CHD1: variants seen among roughly 807,000 people sequenced by gnomAD.
CHD1 encodes the protein ATP-dependent chromatin remodeler CHD1.
In CHD1, 36 loss-of-function variants were observed where a neutral mutation model predicts 224.2. The ratio of observed to expected loss-of-function variants is 0.16; its 90% CI spans 0.12 to 0.21. CHD1 has a LOEUF of 0.21. CHD1 is among the 10% of genes least tolerant of loss of function. The pLI, the probability that CHD1 is intolerant of heterozygous loss-of-function variation, is 1.00. For missense variants in CHD1, 1,378 were observed against 1,994.8 expected (o/e 0.69, Z 5.89); for synonymous variants, 668 against 658.3 (o/e 1.01, Z -0.23).
At chr5:98,877,987 A>T (rs920211111) in intron 23 of CHD1, among the ~76,000 whole-genome samples, 2 of 152,218 alleles carry the variant, frequency 1.3e-5, no homozygotes, top group Non-Finnish European at 2.9e-5. Flanking sequence ...AGGAGATTAC[A>T]AAAAGAGAAA....
intron 28 of CHD1, among the ~76,000 whole-genome samples, chr5:98,871,844 CAT>C (rs1749378000): frequency 6.6e-6 from 1 of 152,070 alleles, no homozygotes; most frequent in African/African-American, 2.4e-5. Flanking sequence ...GCCTTAATAA[CAT>C]ATAATTTCAC....
intron 1 of CHD1, among the ~76,000 whole-genome samples, chr5:98,927,372 G>A (rs1197056684): frequency 6.6e-6 from 1 of 152,094 alleles, no homozygotes; most frequent in Non-Finnish European, 1.5e-5. Flanking sequence ...GGAGACGTCA[G>A]ATCCTTCCCC....
chr5:98,887,885 G>A (rs1173587152), intron 17 of CHD1, among the ~76,000 whole-genome samples: 1 of 152,016 alleles, frequency 6.6e-6, no homozygotes, highest in East Asian at 1.9e-4. Flanking sequence ...CACAGGAAAG[G>A]AAGAAAAATT....
At chr5:98,869,958 G>A (rs1320243904) in intron 29 of CHD1, 76 bp from the exon 30 acceptor site, 6 of 1,098,144 alleles carry the variant, frequency 5.5e-6, no homozygotes, top group Admixed American at 4.6e-5. Context: ...TAAATCCAAG[G>A]GCTAGAACAC....
intron 2 of CHD1, among the ~76,000 whole-genome samples, 179 bp from the exon 3 acceptor site, chr5:98,905,277 T>G (rs907165201): frequency 1.1e-4 from 17 of 152,184 alleles, no homozygotes; most frequent in Non-Finnish European, 1.2e-4. Flanking sequence ...CCATAGTTGA[T>G]AATTTATTTA....
At chr5:98,858,421 C>A (rs747473294) in intron 34 of CHD1, 31 bp from the exon 35 acceptor site, 1 of 1,554,266 alleles carries the variant, frequency 6.4e-7, no homozygotes, top group South Asian at 1.1e-5. Flanking sequence ...TTATTAATGA[C>A]CTTAAAAATA....
intron 3 of CHD1, among the ~76,000 whole-genome samples, chr5:98,904,491 G>A (rs968933360): frequency 1.3e-5 from 2 of 152,114 alleles, no homozygotes; most frequent in African/African-American, 4.8e-5. Flanking sequence ...AGGAATCTGA[G>A]TTCCATTAAA....
intron 31 of CHD1, among the ~76,000 whole-genome samples, chr5:98,864,164 A>G (rs1474645400): frequency 6.6e-6 from 1 of 152,182 alleles, no homozygotes; most frequent in African/African-American, 2.4e-5. Context: ...AGGATGACAT[A>G]TTAAGAATTG....
chr5:98,896,160 A>G (rs1751333269), intron 12 of CHD1, 66 bp downstream of exon 12: 3 of 1,404,956 alleles, frequency 2.1e-6, no homozygotes, highest in Admixed American at 3.4e-5. Context: ...ATCTCAAAAC[A>G]ACAAAAACAC....
chr5:98,926,618 G>A, intron 1 of CHD1, 84 bp from the exon 2 acceptor site: 2 of 298,098 alleles, frequency 6.7e-6, no homozygotes, highest in East Asian at 6.0e-5. Context: ...ATAAATCTAC[G>A]TAGGCCAATT....
rs146856825 is a variant in CHD1, at chr5:98,857,117, A to G, written c.4788-392T>C. On this transcript the variant is annotated intron_variant, in intron 35 of 35. Coordinates refer to ENST00000614616, the MANE Select transcript of CHD1 (RefSeq NM_001270.4). The stretch of plus-strand genomic sequence containing the variant: ...CCTTTTACCAACCTCTAAGCAGGAA[A>G]AAGTTTAAAAATGCTAGAATGCAGT... Among the ~76,000 whole-genome samples the G allele has an allele frequency of 6.6e-5, 10 of 152,248 alleles. No homozygotes were observed. In the East Asian group the frequency reaches 1.7e-3, roughly 26 times the overall value.
chr5:98,867,532 A>C (rs1269746515), intron 31 of CHD1, among the ~76,000 whole-genome samples: 1 of 152,020 alleles, frequency 6.6e-6, no homozygotes, highest in Non-Finnish European at 1.5e-5. Context: ...CTAGTCCTTC[A>C]CCATAAATAA....
Position 98,870,692 on chromosome 5 carries a change from C to A in CHD1, c.3973G>T (p.Gly1325Cys). 1 of 1,587,104 alleles carries A rather than the reference C, an allele frequency of 6.3e-7. No homozygotes were observed. The highest frequency in any genetic ancestry group is 1.1e-5 in the South Asian group (1 of 87,052). ...RDLAKKEALSGAGSSKRRKAR... is the reference protein window; with the variant it reads ...RDLAKKEALSCAGSSKRRKAR... ...GCATGTGGGCTTTAACTTACCGCAC[C>A]AGAAAGAGCTTCTTTTTTTGCAAGA... Residue 1325 changes from glycine to cysteine, a missense_variant, in exon 29 of 36, where the codon GGT becomes TGT. Physicochemically the swap from Gly to Cys is radical, Grantham distance 159 (BLOSUM62 -3). Coordinates refer to ENST00000614616, the MANE Select transcript of CHD1 (RefSeq NM_001270.4).
chr5:98,881,216 T>A lies in CHD1; in HGVS notation c.2965-45A>T, dbSNP rs745653430. Reference sequence around the variant, plus strand: ...ATTTAAATATACTTGAATCCTTTCATCCTGTCAAATATATGACACATATTC... The same window carrying A: ...ATTTAAATATACTTGAATCCTTTCAACCTGTCAAATATATGACACATATTC... On this transcript the variant is annotated intron_variant, in intron 21 of 35. Transcript: ENST00000614616. 2.9e-6 allele frequency: 4 copies of A among 1,397,362 alleles called. No homozygotes were observed. The South Asian group carries it at 3.8e-5, about 13-fold the overall frequency. 86.6% of individuals were successfully genotyped at this position (1,397,362 alleles called of 1,614,324 possible). A position where few individuals can be genotyped will look rare whatever the true frequency, so the allele number is the denominator to read the frequency against.
chr5:98,914,262 TAAG>T lies in CHD1; in HGVS notation c.54-9167_54-9165del, dbSNP rs537972445. On this transcript the variant is annotated intron_variant, in intron 2 of 35. Transcript: ENST00000614616. ...ACCACTAGTATTGGAAGCCATACAT[TAAG>T]AAGAGTAAGGCTGTCCAAAGGTTTG... is the stretch of plus-strand genomic sequence containing the variant. Among the ~76,000 whole-genome samples the T allele has an allele frequency of 7.9e-5, 12 of 152,282 alleles. No individual in the cohort carries two copies. In the South Asian group the frequency reaches 2.5e-3, roughly 32 times the overall value.
Position 98,902,941 on chromosome 5 carries a change from G to A in CHD1, c.396C>T (p.Ser132=), listed in dbSNP as rs371891649. The A allele has an allele frequency of 4.9e-4, 793 of 1,604,174 alleles. 1 individual carries two copies. Among genetic ancestry groups the A allele is most frequent in the Non-Finnish European group, 6.1e-4 (721 of 1,173,244 alleles). Residue 132 remains serine (S), a synonymous_variant, in exon 5 of 36, where the codon TCC becomes TCT. Transcript: ENST00000614616. ...SEEDSSSSED[S]DDSSSEVKRK... is the part of the protein sequence containing the mutation. ...TTTTGACCTCACTTGATGAGTCATC[G>A]GAATCTTCACTGCTAGAGGAATCCT...
intron 2 of CHD1, among the ~76,000 whole-genome samples, chr5:98,906,967 T>G (rs950780387): frequency 6.6e-6 from 1 of 152,306 alleles, no homozygotes; most frequent in Admixed American, 6.5e-5. Context: ...CTCACACAGA[T>G]GGGTGCTCAA....
intron 5 of CHD1, among the ~76,000 whole-genome samples, chr5:98,902,179 G>A (rs907548759): frequency 3.3e-5 from 5 of 151,790 alleles, no homozygotes; most frequent in African/African-American, 1.2e-4. Flanking sequence ...TCTATTAATA[G>A]GAGGACCAGA....
At chr5:98,868,188 T>C (rs1749044042) in intron 31 of CHD1, among the ~76,000 whole-genome samples, 1 of 151,402 alleles carries the variant, frequency 6.6e-6, no homozygotes, top group African/African-American at 2.4e-5. Context: ...ATTAGCTGGG[T>C]ATATGGCACA....
Sources: gnomAD v4.1 joint callset for allele counts (sites outside exome capture counted in the v4.1 genomes callset) on GRCh38, gnomAD v4.1.1 for gene constraint, MANE v1.5 for transcripts, NCBI Gene and HGNC (gene_info 2026-07-23, HGNC 2026-07-21) for gene names.